Variants in DNAH6 observed in about 807,000 individuals in gnomAD.
DNAH6 encodes dynein axonemal heavy chain 6.
Under a neutral mutation model 491.4 loss-of-function variants are expected in DNAH6, and 340 were observed. The observed-to-expected ratio is 0.69, with a 90% confidence interval of 0.63 to 0.76. The LOEUF (loss-of-function observed/expected upper bound fraction) is 0.76, where lower values mean the gene tolerates loss of function less well. Ranked by LOEUF, DNAH6 falls within the 30% of genes least tolerant of loss-of-function variation. DNAH6 has a pLI of 0.00. For synonymous variants in DNAH6, 1,603 were observed against 1,686.1 expected (o/e 0.95, Z 1.21); for missense variants, 4,443 against 4,972.2 (o/e 0.89, Z 3.20).
chr2:84,468,908 T>A, the DNAH6 span, among the ~76,000 whole-genome samples: 6 of 152,156 alleles, frequency 3.9e-5, no homozygotes, highest in Non-Finnish European at 4.4e-5. Flanking sequence ...TCCAAGGACA[T>A]ATAATGAGGT....
At chr2:84,617,565 C>T (rs1686994956) in intron 23 of DNAH6, among the ~76,000 whole-genome samples, 1 of 151,146 alleles carries the variant, frequency 6.6e-6, no homozygotes, top group African/African-American at 2.4e-5. Context: ...CCTTCCCAGC[C>T]TCTGGTAACC....
chr2:84,665,947 A>G, intron 37 of DNAH6, among the ~76,000 whole-genome samples: 1 of 152,216 alleles, frequency 6.6e-6, no homozygotes, highest in East Asian at 1.9e-4. Flanking sequence ...CTGGTTCAGC[A>G]TACACAAATC....
At chr2:84,468,156 AGTTTT>A in the DNAH6 span, among the ~76,000 whole-genome samples, 1 of 152,210 alleles carries the variant, frequency 6.6e-6, no homozygotes, top group African/African-American at 2.4e-5. Flanking sequence ...AAAAAGCGTT[AGTTTT>A]TATTTAACTT....
chr2:84,633,517 G>A (rs1393897631), intron 29 of DNAH6, among the ~76,000 whole-genome samples: 3 of 152,030 alleles, frequency 2.0e-5, no homozygotes, highest in Admixed American at 1.3e-4. Flanking sequence ...TAGGGCCTGT[G>A]TCTGCTTTGC....
At chr2:84,786,981 T>C (rs1050811011) in intron 67 of DNAH6, among the ~76,000 whole-genome samples, 183 bp from the exon 68 acceptor site, 6 of 152,188 alleles carry the variant, frequency 3.9e-5, no homozygotes, top group Non-Finnish European at 8.8e-5. Context: ...GGAGCCAGTA[T>C]TGAAGGAAGA....
chr2:84,639,332 G>A (rs983708838), intron 31 of DNAH6, among the ~76,000 whole-genome samples: 1 of 151,918 alleles, frequency 6.6e-6, no homozygotes, highest in Non-Finnish European at 1.5e-5. Context: ...CTCAGTAATG[G>A]ATTGGACGAA....
rs555320395 is a variant in DNAH6, at chr2:84,689,587, T to A, written c.7292+994T>A. Among the ~76,000 whole-genome samples the A allele has an allele frequency of 2.0e-5, 3 of 152,276 alleles. No individual in the cohort carries two copies. The East Asian group carries it at 5.8e-4, about 29-fold the overall frequency. ...AAGACAGAGCCAGGCAGAAGCCAAA[T>A]GGCTTTTTTGACATAGTCTTGGAAG... On this transcript the variant is annotated intron_variant, in intron 45 of 76. Coordinates refer to ENST00000389394, the MANE Select transcript of DNAH6 (RefSeq NM_001370.2).
intron 68 of DNAH6, 75 bp downstream of exon 68, chr2:84,787,377 C>A: frequency 8.4e-7 from 1 of 1,185,166 alleles, no homozygotes; most frequent in Non-Finnish European, 1.2e-6. Context: ...CTGGCCCTTA[C>A]AAAGATGGTG....
chr2:84,639,427 T>C (rs1573321220), intron 31 of DNAH6, among the ~76,000 whole-genome samples: 2 of 151,076 alleles, frequency 1.3e-5, no homozygotes. Flanking sequence ...ATTTTTTTTT[T>C]TTTTTTTTTG....
chr2:84,722,330 G>C (rs1268062978), intron 59 of DNAH6, among the ~76,000 whole-genome samples: 3 of 152,142 alleles, frequency 2.0e-5, no homozygotes. Flanking sequence ...GATGGTGTTT[G>C]CATTGCAGGA....
chr2:84,548,298 A>G lies in DNAH6; in HGVS notation c.1197A>G (p.Lys399=). ...TTCTGTTATTCTTAGATTATCATAA[A>G]GTGCAGAGCAGTGGAAGTTTCATTA... ...CAFGPFEDYH[K]VQSSGSFINT... Residue 399 remains lysine (K), a synonymous_variant, in exon 8 of 77, where the codon AAA becomes AAG. Coordinates refer to ENST00000389394, the MANE Select transcript of DNAH6 (RefSeq NM_001370.2). 1.2e-6 allele frequency: 2 copies of G among 1,609,056 alleles called. No homozygotes were observed. Among genetic ancestry groups the G allele is most frequent in the Non-Finnish European group, 1.7e-6 (2 of 1,178,556 alleles).
At chr2:84,718,703 T>C (rs1697792279) in intron 59 of DNAH6, among the ~76,000 whole-genome samples, 1 of 152,274 alleles carries the variant, frequency 6.6e-6, no homozygotes, top group Non-Finnish European at 1.5e-5. Context: ...CTCTGTCTGA[T>C]ATTCCCAGTT....
chr2:84,757,018 T>C (rs1317341762), intron 63 of DNAH6, among the ~76,000 whole-genome samples: 1 of 152,252 alleles, frequency 6.6e-6, no homozygotes, highest in African/African-American at 2.4e-5. Context: ...CATTCTCTAA[T>C]GATCCCGCAA....
chr2:84,553,174 T>C (rs1258990184), intron 10 of DNAH6, 140 bp downstream of exon 10: 12 of 631,998 alleles, frequency 1.9e-5, no homozygotes, highest in Non-Finnish European at 3.4e-5. Flanking sequence ...CATTGTTTTG[T>C]CACAGCATTA....
chr2:84,512,059 G>T (rs1202801075), upstream of DNAH6, among the ~76,000 whole-genome samples: 3 of 152,158 alleles, frequency 2.0e-5, no homozygotes, highest in Admixed American at 2.0e-4. Context: ...TGAAAAGAAA[G>T]TGTTTTCTGT....
intron 74 of DNAH6, 130 bp downstream of exon 74, chr2:84,813,260 A>G (rs1680173153): frequency 2.9e-6 from 2 of 695,368 alleles, no homozygotes; most frequent in Non-Finnish European, 2.5e-6. Flanking sequence ...AGGGCAATCT[A>G]ACAAGGTCGT....
At chr2:84,751,177 A>G (rs1474003991) in intron 63 of DNAH6, 2 of 152,252 alleles carry the variant, frequency 1.3e-5, no homozygotes, top group African/African-American at 4.8e-5. Flanking sequence ...CTCAAGAGTG[A>G]AGAATCCAAA....
At chr2:84,598,127 T>C (rs921170485) in intron 18 of DNAH6, among the ~76,000 whole-genome samples, 3 of 109,314 alleles carry the variant, frequency 2.7e-5, no homozygotes, top group East Asian at 2.5e-4. Context: ...TCTATCTTTC[T>C]TTTCTTTCTT....
chr2:84,683,221 C>G (rs1693955908), intron 42 of DNAH6, among the ~76,000 whole-genome samples: 1 of 152,114 alleles, frequency 6.6e-6, no homozygotes, highest in Non-Finnish European at 1.5e-5. Flanking sequence ...CATCAGCTCC[C>G]CAAGGGCTGT....
Sources: gnomAD v4.1 joint callset for allele counts (sites outside exome capture counted in the v4.1 genomes callset) on GRCh38, gnomAD v4.1.1 for gene constraint, MANE v1.5 for transcripts, NCBI Gene and HGNC (gene_info 2026-07-23, HGNC 2026-07-21) for gene names.